ENTPD3: variants seen among roughly 807,000 people sequenced by gnomAD.
ENTPD3 encodes CD39 antigen-like 3.
Under a neutral mutation model 51.2 loss-of-function variants are expected in ENTPD3, and 60 were observed. The observed-to-expected ratio is 1.17, with a 90% CI of 0.95 to 1.45. ENTPD3 has a LOEUF of 1.45. Among genes scored for constraint, ENTPD3 ranks in the 40% most tolerant of loss-of-function variants. The probability of loss-of-function intolerance (pLI) is 0.00; values close to 1 mark genes in which losing one functional copy is unlikely to be tolerated. For missense variants in ENTPD3, 593 were observed against 641.1 expected (o/e 0.93, Z 0.81); for synonymous variants, 221 against 238.4 (o/e 0.93, Z 0.67).
In ENTPD3 at chr3:40,414,830, A is replaced by G. The variant is rs1448127272; in HGVS notation, c.587A>G (p.Asn196Ser). ...ATTACAGCCAACTATTTAATGGGAA[A>G]TTTCCTGGAGGTGTGTGCAAACAAA... is the stretch of plus-strand genomic sequence containing the variant. ...GWITANYLMG[N>S]FLEKNLWHMW... The change falls in exon 6 of 11, where the codon AAT becomes AGT. Residue 196 changes from asparagine to serine, a missense_variant. By Grantham distance (46) the Asn-to-Ser change is conservative. Transcript: ENST00000301825. 6.2e-7 allele frequency: 1 copy of G among 1,613,978 alleles called. No homozygotes were observed. Among genetic ancestry groups the G allele is most frequent in the Non-Finnish European group, 8.5e-7 (1 of 1,179,932 alleles).
chr3:40,402,141 C>CAG (rs1206176271), intron 4 of ENTPD3, among the ~76,000 whole-genome samples: 1 of 1,400 alleles, frequency 7.1e-4, no homozygotes, highest in South Asian at 0.029. Context: ...TTTTTTGAGA[C>CAG]AGAGTCTCAC....
intron 7 of ENTPD3, among the ~76,000 whole-genome samples, chr3:40,420,262 G>T: frequency 7.9e-6 from 1 of 126,058 alleles, no homozygotes; most frequent in African/African-American, 2.6e-5. Flanking sequence ...TGGAGATGGA[G>T]TCTTGCTCTG....
chr3:40,422,152 AC>A (rs1955887492), intron 7 of ENTPD3, among the ~76,000 whole-genome samples: 1 of 151,846 alleles, frequency 6.6e-6, no homozygotes, highest in Non-Finnish European at 1.5e-5. Context: ...ACACACACAC[AC>A]ACACACCCTT....
rs58000344 is a variant in ENTPD3, at chr3:40,402,123, C to CTTTTTTTTTTTTTT, written c.286+1125_286+1126insTTTTTTTTTTTTTT. On this transcript the variant is annotated intron_variant, in intron 4 of 10. Coordinates refer to ENST00000301825, the MANE Select transcript of ENTPD3 (RefSeq NM_001248.4). ...TTCATTTCCTTTCCTTTTTTTTTTT[C>CTTTTTTTTTTTTTT]TTTTTTTTTTTTTGAGACAGAGTCT... is the stretch of plus-strand genomic sequence containing the variant. Among the ~76,000 whole-genome samples, 8 of 95,070 alleles carry CTTTTTTTTTTTTTT rather than the reference C, an allele frequency of 8.4e-5. 1 individual carries two copies. The East Asian group carries it at 1.1e-3, about 13-fold the overall frequency. 62.4% of individuals were successfully genotyped at this position (95,070 alleles called of 152,430 possible).
At chr3:40,425,564 A>G (rs1219998267) in intron 10 of ENTPD3, among the ~76,000 whole-genome samples, 1 of 152,204 alleles carries the variant, frequency 6.6e-6, no homozygotes, top group African/African-American at 2.4e-5. Context: ...TGTTACAAAA[A>G]CACTGGAAGT....
intron 4 of ENTPD3, among the ~76,000 whole-genome samples, chr3:40,404,837 C>T (rs1575217139): frequency 6.6e-6 from 1 of 152,290 alleles, no homozygotes; most frequent in East Asian, 1.9e-4. Context: ...GTGATGAATG[C>T]TTGCTCACCC....
intron 7 of ENTPD3, among the ~76,000 whole-genome samples, chr3:40,420,904 T>C (rs1955855946): frequency 6.6e-6 from 1 of 151,904 alleles, no homozygotes; most frequent in Non-Finnish European, 1.5e-5. Context: ...CCTGTAATCC[T>C]AGCACTTTGG....
Position 40,392,200 on chromosome 3 carries a change from A to T in ENTPD3, c.168+50A>T, listed in dbSNP as rs373183748. 17 of 1,594,682 alleles carry T rather than the reference A, an allele frequency of 1.1e-5. No homozygotes were observed. The Middle Eastern group carries it at 5.0e-4, about 47-fold the overall frequency. On this transcript the variant is annotated intron_variant, in intron 3 of 10. Transcript: ENST00000301825. ...AAGGGAAGAAATGAGCATAAAGGGG[A>T]AGAAATCAATTATTCCAAAACCATG...
intron 10 of ENTPD3, chr3:40,424,628 G>C: frequency 4.8e-6 from 3 of 631,136 alleles, no homozygotes; most frequent in Non-Finnish European, 8.8e-6. Flanking sequence ...GACCAGAATG[G>C]TCCAAAGCTG....
intron 9 of ENTPD3, 150 bp from the exon 10 acceptor site, chr3:40,423,676 A>C (rs1955927920): frequency 1.1e-6 from 1 of 911,422 alleles, no homozygotes; most frequent in South Asian, 1.8e-5. Flanking sequence ...TTTCATAATT[A>C]TATTGTGTGA....
intron 4 of ENTPD3, among the ~76,000 whole-genome samples, chr3:40,406,557 A>G (rs2125598165): frequency 6.6e-6 from 1 of 152,350 alleles, no homozygotes; most frequent in South Asian, 2.1e-4. Flanking sequence ...GACACCAGTT[A>G]AGTGCTGTTA....
chr3:40,398,830 T>C (rs937259087), intron 3 of ENTPD3, among the ~76,000 whole-genome samples: 3 of 152,228 alleles, frequency 2.0e-5, no homozygotes, highest in South Asian at 2.1e-4. Flanking sequence ...TAAATTACTC[T>C]GTACCTAAAA....
At chr3:40,423,679 T>C (rs750186234) in intron 9 of ENTPD3, 147 bp from the exon 10 acceptor site, 339 of 921,544 alleles carry the variant, frequency 3.7e-4, no homozygotes, top group Non-Finnish European at 5.1e-4. Flanking sequence ...CATAATTATA[T>C]TGTGTGATTA....
Position 40,403,653 on chromosome 3 carries a change from A to ATTT in ENTPD3, c.286+2657_286+2659dup, listed in dbSNP as rs112252461. On this transcript the variant is annotated intron_variant, in intron 4 of 10. Transcript: ENST00000301825. ...TAAGGGACTTGGATATTTTCCTTTA[A>ATTT]TTTTTTTTTTTTTTTTTGAGATAGG... Among the ~76,000 whole-genome samples the ATTT allele has an allele frequency of 6.2e-3, 865 of 140,004 alleles. 11 individuals carry two copies. Among genetic ancestry groups the ATTT allele is most frequent in the African/African-American group, 0.022 (816 of 37,598 alleles). The allele number at this position is 140,004 out of a possible 152,430, so 91.8% of individuals were successfully genotyped here.
intron 3 of ENTPD3, among the ~76,000 whole-genome samples, chr3:40,397,059 T>C (rs1337684502): frequency 6.6e-6 from 1 of 151,782 alleles, no homozygotes; most frequent in Admixed American, 6.6e-5. Context: ...CCTGGATTTC[T>C]GGTGCCTTGT....
chr3:40,415,764 G>A, intron 6 of ENTPD3, 76 bp from the exon 7 acceptor site: 1 of 1,153,556 alleles, frequency 8.7e-7, no homozygotes, highest in Non-Finnish European at 1.3e-6. Context: ...AGGAGACGAG[G>A]CTTGGGTGGA....
At chr3:40,410,143 A>G (rs1426442827) in intron 4 of ENTPD3, among the ~76,000 whole-genome samples, 2 of 152,182 alleles carry the variant, frequency 1.3e-5, no homozygotes, top group East Asian at 1.9e-4. Flanking sequence ...CTAAAACTCA[A>G]AAGTAAAATG....
rs1955907499 is a variant in ENTPD3, at chr3:40,422,882, C to T, written c.864C>T (p.Pro288=). Residue 288 remains proline, a synonymous_variant, in exon 8 of 11, where the codon CCC becomes CCT. Transcript: ENST00000301825. The part of the protein sequence containing the change: ...NSPTKNHLTN[P]CYPRDYSISF... The stretch of plus-strand genomic sequence containing the variant: ...CTACCAAAAACCATCTCACCAATCC[C>T]TGTTACCCTCGGGATTATAGCATCA... The T allele has an allele frequency of 3.1e-6, 5 of 1,613,614 alleles. No individual in the cohort carries two copies. In the Admixed American group the frequency reaches 5.0e-5, roughly 16 times the overall value.
At chr3:40,423,227 C>T (rs1955916517) in intron 8 of ENTPD3, 64 bp from the exon 9 acceptor site, 7 of 1,558,732 alleles carry the variant, frequency 4.5e-6, no homozygotes, top group African/African-American at 1.4e-5. Flanking sequence ...TATTCCTCAC[C>T]CATAAACCTT....
Sources: allele counts gnomAD v4.1 joint callset (sites outside exome capture counted in the v4.1 genomes callset), GRCh38; gene constraint gnomAD v4.1.1; transcripts MANE v1.5; gene names NCBI Gene and HGNC (gene_info 2026-07-23, HGNC 2026-07-21).